PIK3C2A: variants seen among roughly 807,000 people sequenced by gnomAD.
PIK3C2A encodes the protein phosphatidylinositol-4-phosphate 3-kinase catalytic subunit type 2 alpha, also known as phosphatidylinositol 4-phosphate 3-kinase C2 domain-containing subunit alpha.
In PIK3C2A, 97 loss-of-function variants were observed where a neutral mutation model predicts 204.5. That is an observed-to-expected ratio of 0.47 (90% CI 0.40 to 0.56). The LOEUF is 0.56. Ranked by LOEUF, PIK3C2A falls within the 20% of genes least tolerant of loss-of-function variation. PIK3C2A has a pLI of 0.00. For synonymous variants in PIK3C2A, 653 were observed against 664.4 expected (o/e 0.98, Z 0.26); for missense variants, 1,735 against 1,969.2 (o/e 0.88, Z 2.25).
intron 13 of PIK3C2A, among the ~76,000 whole-genome samples, chr11:17,128,390 A>G (rs1849591538): frequency 6.6e-6 from 1 of 151,216 alleles, no homozygotes; most frequent in Admixed American, 6.6e-5. Context: ...GTGTGCCTCT[A>G]TGCCCAGCTA....
Position 17,145,910 on chromosome 11 carries a change from G to C in PIK3C2A, c.1593C>G (p.Asn531Lys). 6.2e-7 allele frequency: 1 copy of C among 1,613,492 alleles called. No individual in the cohort carries two copies. The highest frequency in any genetic ancestry group is 8.5e-7 in the Non-Finnish European group (1 of 1,179,806). The stretch of plus-strand genomic sequence containing the variant: ...GTTTTTCTATTTGATACAGGTGTTT[G>C]TTTAAATCCACGGGTGTTTCATCAT... ...AEDDETPVDL[N>K]KHLYQIEKPC... Residue 531 changes from asparagine (N) to lysine (K), a missense_variant, in exon 7 of 33, where the codon AAC (asparagine) becomes AAG (lysine). This residue lies in a region of PIK3C2A where 106 missense variants were observed against 108.2 expected (regional missense o/e 0.98). Coordinates refer to ENST00000691414, the MANE Select transcript of PIK3C2A (RefSeq NM_002645.4).
At chr11:17,187,152 T>A (rs564649426) in intron 1 of PIK3C2A, among the ~76,000 whole-genome samples, 21 of 152,150 alleles carry the variant, frequency 1.4e-4, no homozygotes, top group Non-Finnish European at 1.0e-4. Context: ...GTCATGGAAG[T>A]AGTTGAGATT....
chr11:17,205,754 T>C (rs1464869553), intron 1 of PIK3C2A, among the ~76,000 whole-genome samples: 1 of 152,198 alleles, frequency 6.6e-6, no homozygotes, highest in African/African-American at 2.4e-5. Flanking sequence ...AAACTTAGTA[T>C]ACAGTTATTC....
intron 13 of PIK3C2A, among the ~76,000 whole-genome samples, chr11:17,127,457 C>T (rs572317215): frequency 4.3e-4 from 65 of 152,036 alleles, no homozygotes; most frequent in Admixed American, 1.5e-3. Flanking sequence ...TACAGATGTG[C>T]GCCACCACAC....
At position 17,110,594 on chromosome 11, in the gene PIK3C2A, C is replaced by T. The variant is rs749952092; in HGVS notation, c.3415-33G>A. On this transcript the variant is annotated intron_variant, in intron 21 of 32. Coordinates refer to ENST00000691414, the MANE Select transcript of PIK3C2A (RefSeq NM_002645.4). Reference sequence around the variant, plus strand: ...TCAAGGAAACAAAATGAAACTTGTACATCTCCAAAAGACTTAACAGATTAC... The same window carrying T: ...TCAAGGAAACAAAATGAAACTTGTATATCTCCAAAAGACTTAACAGATTAC... 2.5e-6 allele frequency: 4 copies of T among 1,590,124 alleles called. No individual in the cohort carries two copies. In the South Asian group the frequency reaches 4.5e-5, roughly 18 times the overall value.
chr11:17,094,240 T>G (rs1848391455), intron 28 of PIK3C2A, 21 bp downstream of exon 28: 3 of 1,568,930 alleles, frequency 1.9e-6, no homozygotes, highest in Admixed American at 3.6e-5. Context: ...AAAGGATTAA[T>G]GTACAAGGAT....
At chr11:17,157,365 C>A (rs982424342) in intron 2 of PIK3C2A, among the ~76,000 whole-genome samples, 1 of 143,370 alleles carries the variant, frequency 7.0e-6, no homozygotes, top group Non-Finnish European at 1.5e-5. Context: ...GAGGCTGAGG[C>A]GGGAAAATTG....
chr11:17,105,119 G>GT (rs756507160), intron 23 of PIK3C2A, 50 bp downstream of exon 23: 1 of 1,457,890 alleles, frequency 6.9e-7, no homozygotes, highest in Non-Finnish European at 9.6e-7. Flanking sequence ...TAAAACCTCT[G>GT]TAACACATTT....
intron 1 of PIK3C2A, among the ~76,000 whole-genome samples, chr11:17,182,744 A>G (rs1188442230): frequency 6.6e-6 from 1 of 152,196 alleles, no homozygotes; most frequent in Non-Finnish European, 1.5e-5. Context: ...AACAAACTTT[A>G]TAAAATAGAG....
Position 17,148,780 on chromosome 11 carries a change from A to G in PIK3C2A, c.1335T>C (p.Ser445=). Residue 445 remains serine (S), a synonymous_variant, in exon 5 of 33, where the codon TCT becomes TCC. Transcript: ENST00000691414. ...CTTGCATTATAATGATTTCTACAGT[A>G]GAACTCACTGTAAAAGAGTTAGTCA... The part of the protein sequence containing the change: ...LPVTFTCDVS[S]TVEIIIMQAL... The G allele has an allele frequency of 6.2e-7, 1 of 1,609,188 alleles. No homozygotes were observed. Among genetic ancestry groups the G allele is most frequent in the Non-Finnish European group, 8.5e-7 (1 of 1,176,146 alleles).
chr11:17,161,162 A>G (rs1352247391), intron 2 of PIK3C2A, among the ~76,000 whole-genome samples: 1 of 152,218 alleles, frequency 6.6e-6, no homozygotes. Context: ...TACAAGTTCA[A>G]GGTTCATGCC....
rs1590990955 is a variant in PIK3C2A at position 17,171,047 on chromosome 11, G to A, written c.-65-1241C>T. Among the ~76,000 whole-genome samples the A allele has an allele frequency of 3.9e-5, 6 of 152,226 alleles. No homozygotes were observed. The South Asian group carries it at 1.2e-3, about 32-fold the overall frequency. ...GAACCCGGGAGGCGGAGCTTGCAGT[G>A]AGCCGAGATCACGTCACTGCATTCC... is the stretch of plus-strand genomic sequence containing the variant. On this transcript the variant is annotated intron_variant, in intron 1 of 32. Coordinates refer to ENST00000691414, the MANE Select transcript of PIK3C2A (RefSeq NM_002645.4).
chr11:17,140,008 A>G (rs1488228996), intron 8 of PIK3C2A, among the ~76,000 whole-genome samples: 1 of 152,198 alleles, frequency 6.6e-6, no homozygotes, highest in Non-Finnish European at 1.5e-5. Flanking sequence ...AGGATATTAA[A>G]CCAAACCATT....
chr11:17,189,812 C>CAAAA lies in PIK3C2A; in HGVS notation c.-66+18032_-66+18035dup, dbSNP rs759869051. 5.3e-3 allele frequency among the ~76,000 whole-genome samples: 320 copies of CAAAA among 60,256 alleles called. 10 individuals carry two copies. The highest frequency in any genetic ancestry group is 8.9e-3 in the African/African-American group (191 of 21,476). The allele number at this position is 60,256 out of a possible 152,430, so 39.5% of individuals were successfully genotyped here. Reference sequence around the variant, plus strand: ...TGGGTCACAGAGTGAGGCTCTGTCTCAAAAAAAAAAAAAAAAAAAAAAAAG... The same window carrying CAAAA: ...TGGGTCACAGAGTGAGGCTCTGTCTCAAAAAAAAAAAAAAAAAAAAAAAAAAAAG... On this transcript the variant is annotated intron_variant, in intron 1 of 32. Coordinates refer to ENST00000691414, the MANE Select transcript of PIK3C2A (RefSeq NM_002645.4).
At chr11:17,145,833 A>G in intron 7 of PIK3C2A, 30 bp downstream of exon 7, 1 of 1,584,758 alleles carries the variant, frequency 6.3e-7, no homozygotes, top group Non-Finnish European at 8.7e-7. Context: ...AAAGTCTGAA[A>G]ACCTGCAATT....
intron 8 of PIK3C2A, among the ~76,000 whole-genome samples, chr11:17,145,031 G>A (rs115622474): frequency 0.011 from 1,599 of 150,978 alleles, 24 homozygotes; most frequent in African/African-American, 0.035. Context: ...TTTACCCCAC[G>A]CCTGTACCTC....
chr11:17,091,587 T>C lies in PIK3C2A; in HGVS notation c.4712A>G (p.Asn1571Ser). The C allele has an allele frequency of 6.2e-7, 1 of 1,613,520 alleles. No homozygotes were observed. The highest frequency in any genetic ancestry group is 8.5e-7 in the Non-Finnish European group (1 of 1,179,486). Residue 1571 changes from asparagine to serine, a missense_variant, in exon 31 of 33, where the codon AAT (asparagine) becomes AGT (serine). By Grantham distance (46) the Asn-to-Ser change is conservative (BLOSUM62 1). Coordinates refer to ENST00000691414, the MANE Select transcript of PIK3C2A (RefSeq NM_002645.4). ...CATCACCATGATGAAAAGAGTACCA[T>C]TTCGGTAAGAGATGGATAATTTCAC... ...GAVKLSISYR[N>S]GTLFIMVMHI...
At position 17,089,702 on chromosome 11, in the gene PIK3C2A, A is replaced by G. The variant is rs1203242909; in HGVS notation, c.*36T>C. 2.1e-6 allele frequency: 3 copies of G among 1,451,064 alleles called. No individual in the cohort carries two copies. The highest frequency in any genetic ancestry group is 2.3e-5 in the South Asian group (2 of 85,344). The allele number at this position is 1,451,064 out of a possible 1,614,324, so 89.9% of individuals were successfully genotyped here. On this transcript the variant is annotated 3_prime_UTR_variant, in exon 33 of 33. Coordinates refer to ENST00000691414, the MANE Select transcript of PIK3C2A (RefSeq NM_002645.4). Reference sequence around the variant, plus strand: ...GTGCATGTATGCATGCACGTTTATAACTGTTCATGCTTCCAAAGCTCAAAC... The same window carrying G: ...GTGCATGTATGCATGCACGTTTATAGCTGTTCATGCTTCCAAAGCTCAAAC...
intron 1 of PIK3C2A, among the ~76,000 whole-genome samples, chr11:17,179,582 T>C (rs1385010608): frequency 6.6e-6 from 1 of 152,222 alleles, no homozygotes; most frequent in Admixed American, 6.5e-5. Flanking sequence ...AGAAATGTGT[T>C]CACAATCAAC....
Sources: allele counts gnomAD v4.1 joint callset (sites outside exome capture counted in the v4.1 genomes callset), GRCh38; gene constraint gnomAD v4.1.1; regional missense constraint gnomAD v4.1.1; transcripts MANE v1.5; gene names NCBI Gene and HGNC (gene_info 2026-07-23, HGNC 2026-07-21).